The following ENOX2 variants were observed in gnomAD, a reference collection of about 807,000 sequenced individuals.
ENOX2 encodes APK1 antigen.
In ENOX2, 36 loss-of-function variants were observed where a neutral mutation model predicts 45.0. That is an observed-to-expected ratio of 0.80 (90% confidence interval 0.61 to 1.06). The LOEUF (loss-of-function observed/expected upper bound fraction) is 1.06, where lower values mean the gene tolerates loss of function less well. Among genes scored for constraint, ENOX2 ranks in the 50% least tolerant of loss-of-function variants. The pLI, the probability that ENOX2 is intolerant of heterozygous loss-of-function variation, is 0.00. For missense variants in ENOX2, 423 were observed against 462.5 expected, an observed-to-expected ratio of 0.91 and a Z score of 0.78; for synonymous variants, 174 against 152.3, an observed-to-expected ratio of 1.14 and a Z score of -1.05.
intron 2 of ENOX2, among the ~76,000 whole-genome samples, chrX:130,842,198 G>A (rs1225200940): frequency 8.9e-6 from 1 of 112,671 alleles, no homozygotes; most frequent in Non-Finnish European, 1.9e-5. Context: ...GAGGCATTGT[G>A]GATTCTGGGT....
chrX:130,898,197 G>A (rs927715940), intron 2 of ENOX2, among the ~76,000 whole-genome samples: 1 of 110,863 alleles, frequency 9.0e-6, no homozygotes, highest in Non-Finnish European at 1.9e-5. Context: ...TAGTAGAGAC[G>A]GGGTTTCCCC....
At chrX:130,862,408 A>G (rs1352103263) in intron 2 of ENOX2, among the ~76,000 whole-genome samples, 2 of 111,557 alleles carry the variant, frequency 1.8e-5, no homozygotes, top group African/African-American at 6.5e-5. Context: ...TACACTGAGC[A>G]TCCCATTTAA....
At chrX:130,881,233 T>G (rs903088870) in intron 2 of ENOX2, among the ~76,000 whole-genome samples, 2 of 112,734 alleles carry the variant, frequency 1.8e-5, no homozygotes, top group African/African-American at 6.4e-5. Flanking sequence ...TACAGAATAC[T>G]TCATCATCTA....
chrX:130,714,515 C>T (rs1207954906), intron 3 of ENOX2, among the ~76,000 whole-genome samples: 2 of 111,701 alleles, frequency 1.8e-5, no homozygotes, highest in Non-Finnish European at 3.8e-5. Context: ...CACAGAGCTT[C>T]AGTTTTCTTA....
rs1454538961 is a variant in ENOX2, at chrX:130,653,454, GTCCCCTATATACATCATGCTTATT to G, written c.1129+3103_1129+3126del. ...ACCCATCTACTCTACTCAGTCTTTTGTCCCCTATATACATCATGCTTATTTCCCACTTTGAGCCCCGACCCTTTT... is the reference window on the plus strand; with the variant it reads ...ACCCATCTACTCTACTCAGTCTTTTGTCCCACTTTGAGCCCCGACCCTTTT... On this transcript the variant is annotated intron_variant, in intron 10 of 14. Coordinates refer to ENST00000394363, the MANE Select transcript of ENOX2 (RefSeq NM_006375.4). Among the ~76,000 whole-genome samples the G allele has an allele frequency of 1.1e-4, 12 of 111,359 alleles. No homozygotes were observed. The East Asian group carries it at 2.6e-3, about 24-fold the overall frequency.
rs1218133442 is a variant in ENOX2, at chrX:130,719,460, G to GAA, written c.-38-16208_-38-16207dup. On this transcript the variant is annotated intron_variant, in intron 3 of 14. Transcript: ENST00000394363. ...CAGCCACATGCCCATCTGCTGCTAA[G>GAA]AAAAAAAAAAAAAAAAAAACCAGAC... 6.2e-3 allele frequency among the ~76,000 whole-genome samples: 368 copies of GAA among 59,809 alleles called. 2 individuals are homozygous for GAA. The highest frequency in any genetic ancestry group is 0.019 in the African/African-American group (337 of 17,391). 51.9% of individuals were successfully genotyped at this position (59,809 alleles called of 115,157 possible). A position where few individuals can be genotyped will look rare whatever the true frequency, so the allele number is the denominator to read the frequency against.
intron 3 of ENOX2, among the ~76,000 whole-genome samples, chrX:130,721,638 G>C (rs187535913): frequency 9.0e-6 from 1 of 111,425 alleles, no homozygotes; most frequent in East Asian, 2.8e-4. Context: ...GATGGCTTTA[G>C]AGAACTCTAC....
intron 12 of ENOX2, among the ~76,000 whole-genome samples, chrX:130,632,425 AAAAATAC>A (rs1175401265): frequency 9.6e-6 from 1 of 104,257 alleles, no homozygotes; most frequent in Non-Finnish European, 2.0e-5. Context: ...AGTCAAACTG[AAAAATAC>A]CTCCAGACCT....
intron 4 of ENOX2, among the ~76,000 whole-genome samples, chrX:130,700,256 A>G (rs1320762328): frequency 8.9e-6 from 1 of 112,464 alleles, no homozygotes; most frequent in East Asian, 2.8e-4. Context: ...ATAGCTTTAC[A>G]AAGTATATCT....
intron 10 of ENOX2, among the ~76,000 whole-genome samples, chrX:130,639,546 G>A (rs1289951614): frequency 8.9e-6 from 1 of 112,007 alleles, no homozygotes. Context: ...AAATTACAAG[G>A]CATACTAAAC....
chrX:130,643,977 A>G (rs1057340814), intron 10 of ENOX2, among the ~76,000 whole-genome samples: 7 of 112,152 alleles, frequency 6.2e-5, no homozygotes, highest in Admixed American at 2.8e-4. Flanking sequence ...GAGAAATTTT[A>G]CAATGTATGT....
intron 3 of ENOX2, among the ~76,000 whole-genome samples, chrX:130,766,617 A>G (rs1460614843): frequency 2.7e-5 from 3 of 111,372 alleles, no homozygotes; most frequent in Non-Finnish European, 3.8e-5. Context: ...TCTTGTATAT[A>G]TGGTGGGAGG....
Position 130,783,608 on chromosome X carries a change from T to C in ENOX2, c.-100A>G, listed in dbSNP as rs2076925364. 1 of 328,140 alleles carries C rather than the reference T, an allele frequency of 3.0e-6. No homozygotes were observed. 27.0% of individuals were successfully genotyped at this position (328,140 alleles called of 1,213,427 possible). A position where few individuals can be genotyped will look rare whatever the true frequency, so the allele number is the denominator to read the frequency against. On this transcript the variant is annotated 5_prime_UTR_variant, in exon 3 of 15. Transcript: ENST00000394363. ...ATTCCCCTCCATTCTCAATGAGGCC[T>C]TCTGTGACCAGAGGGCCACTGGCAC...
At chrX:130,795,610 T>C (rs2077110302) in intron 2 of ENOX2, among the ~76,000 whole-genome samples, 1 of 111,775 alleles carries the variant, frequency 8.9e-6, no homozygotes, top group African/African-American at 3.2e-5. Context: ...TAGTTTTTTT[T>C]CCTCAAGAAG....
At position 130,842,440 on chromosome X, in the gene ENOX2, A is replaced by T. The variant is rs760886059; in HGVS notation, c.-182-58750T>A. ...AACTCTTAATGCCCTATCCATCCTTAAACGAACCAAAGGCACCCCACTCAG... is the reference window on the plus strand; with the variant it reads ...AACTCTTAATGCCCTATCCATCCTTTAACGAACCAAAGGCACCCCACTCAG... On this transcript the variant is annotated intron_variant, in intron 2 of 14. Transcript: ENST00000394363. Among the ~76,000 whole-genome samples the T allele has an allele frequency of 2.9e-3, 320 of 111,740 alleles. 2 individuals are homozygous for T. Among genetic ancestry groups the T allele is most frequent in the African/African-American group, 9.8e-3 (303 of 30,795 alleles).
At chrX:130,792,113 G>C (rs1214437861) in intron 2 of ENOX2, among the ~76,000 whole-genome samples, 1 of 112,195 alleles carries the variant, frequency 8.9e-6, no homozygotes, top group African/African-American at 3.2e-5. Flanking sequence ...AACATGGATG[G>C]AGGTAGAGGC....
At chrX:130,820,074 A>G (rs923748847) in intron 2 of ENOX2, among the ~76,000 whole-genome samples, 2 of 112,371 alleles carry the variant, frequency 1.8e-5, no homozygotes, top group Admixed American at 9.4e-5. Flanking sequence ...TTTATCTGAT[A>G]AGGAATTACT....
At chrX:130,736,745 T>G (rs1259326011) in intron 3 of ENOX2, among the ~76,000 whole-genome samples, 2 of 112,257 alleles carry the variant, frequency 1.8e-5, no homozygotes, top group Admixed American at 1.9e-4. Flanking sequence ...GCTAGTTTTC[T>G]CTGTTCTCTT....
intron 2 of ENOX2, among the ~76,000 whole-genome samples, chrX:130,825,849 GA>G (rs768064388): frequency 2.3e-4 from 26 of 111,067 alleles, no homozygotes; most frequent in Non-Finnish European, 4.5e-4. Context: ...TATTATGAGA[GA>G]GAGAAAAAGA....
Sources: allele counts gnomAD v4.1 joint callset (sites outside exome capture counted in the v4.1 genomes callset), GRCh38; gene constraint gnomAD v4.1.1; transcripts MANE v1.5; gene names NCBI Gene and HGNC (gene_info 2026-07-23, HGNC 2026-07-21).